COL24A1: variants seen among roughly 807,000 people sequenced by gnomAD.
COL24A1 encodes collagen alpha-1(XXIV) chain.
Under a neutral mutation model 253.9 loss-of-function variants are expected in COL24A1, and 224 were observed. The observed-to-expected ratio is 0.88, with a 90% CI of 0.79 to 0.99. The LOEUF is 0.99. Ranked by LOEUF, COL24A1 falls within the 50% of genes least tolerant of loss-of-function variation. COL24A1 has a pLI of 0.00. For synonymous variants in COL24A1, 685 were observed against 673.7 expected (o/e 1.02, Z -0.26); for missense variants, 2,131 against 2,068.5 (o/e 1.03, Z -0.59).
rs1463665429 is a variant in COL24A1 at position 86,089,218 on chromosome 1, C to T, written c.1663G>A (p.Gly555Ser). 17 of 1,586,684 alleles carry T rather than the reference C, an allele frequency of 1.1e-5. No homozygotes were observed. Among genetic ancestry groups the T allele is most frequent in the Non-Finnish European group, 1.4e-5 (17 of 1,172,758 alleles). Residue 555 changes from glycine (G) to serine (S), a missense_variant, in exon 7 of 60, where the codon GGC becomes AGC. Coordinates refer to ENST00000370571, the MANE Select transcript of COL24A1 (RefSeq NM_152890.7). ...QPVPGEKGDQ[G>S]LSGLMGPPGM... Reference sequence around the variant, plus strand: ...GGGGGGCCCATTAATCCAGAAAGGCCTTGATCACCCTATAAACAAAATACA... The same window carrying T: ...GGGGGGCCCATTAATCCAGAAAGGCTTTGATCACCCTATAAACAAAATACA...
rs1680048332 is a variant in COL24A1, at chr1:85,868,581, C to CT, written c.3237dup (p.Gly1080ArgfsTer14). ...ATAATTCCTGGTAAGCCCATCTCTC[C>CT]TTTTTCTCCATCCTCTCCAGGAAGT... On this transcript the variant is annotated frameshift_variant, in exon 37 of 60. Transcript: ENST00000370571. LOFTEE classifies it high-confidence loss of function. The CT allele has an allele frequency of 6.2e-7, 1 of 1,613,910 alleles. No homozygotes were observed. Among genetic ancestry groups the CT allele is most frequent in the Non-Finnish European group, 8.5e-7 (1 of 1,179,876 alleles).
chr1:85,780,907 T>C (rs1402747533), intron 52 of COL24A1, among the ~76,000 whole-genome samples: 1 of 152,010 alleles, frequency 6.6e-6, no homozygotes, highest in Non-Finnish European at 1.5e-5. Context: ...TTGCTATCTA[T>C]GTTCTTTCCT....
chr1:86,062,864 A>G (rs1701191978), intron 8 of COL24A1, among the ~76,000 whole-genome samples: 1 of 152,080 alleles, frequency 6.6e-6, no homozygotes, highest in African/African-American at 2.4e-5. Flanking sequence ...CTAACTTAAC[A>G]TGAATGAAAG....
intron 22 of COL24A1, 75 bp downstream of exon 22, chr1:85,970,152 A>C: frequency 1.6e-6 from 2 of 1,281,834 alleles, no homozygotes. Flanking sequence ...GTAAAATGTT[A>C]TGATGTTAAA....
intron 24 of COL24A1, among the ~76,000 whole-genome samples, chr1:85,939,617 G>A (rs1440243751): frequency 4.6e-5 from 7 of 152,226 alleles, no homozygotes; most frequent in Non-Finnish European, 8.8e-5. Flanking sequence ...TTGGCTGGAG[G>A]AGAAAACTTA....
chr1:85,979,133 T>C (rs1185526611), intron 20 of COL24A1, among the ~76,000 whole-genome samples: 1 of 152,080 alleles, frequency 6.6e-6, no homozygotes, highest in Non-Finnish European at 1.5e-5. Flanking sequence ...AAAAATTATT[T>C]GAACTGAACG....
At chr1:85,854,885 G>A (rs978765446) in intron 37 of COL24A1, among the ~76,000 whole-genome samples, 2 of 152,116 alleles carry the variant, frequency 1.3e-5, no homozygotes, top group East Asian at 3.9e-4. Flanking sequence ...TGTATTTTTA[G>A]TAGAGAAGGG....
intron 32 of COL24A1, among the ~76,000 whole-genome samples, chr1:85,882,937 G>A (rs1003382002): frequency 3.3e-5 from 5 of 152,016 alleles, no homozygotes; most frequent in East Asian, 1.9e-4. Context: ...TTTGAATAGC[G>A]TTAGCATGGT....
chr1:86,121,825 C>A (rs1647402427), intron 3 of COL24A1, among the ~76,000 whole-genome samples: 1 of 152,032 alleles, frequency 6.6e-6, no homozygotes, highest in African/African-American at 2.4e-5. Context: ...AAGGGGAGGT[C>A]TTTCTATAAT....
At chr1:85,996,280 A>G (rs11161715) in intron 19 of COL24A1, among the ~76,000 whole-genome samples, 60,404 of 151,882 alleles carry the variant, frequency 0.4, 12,422 homozygotes, top group East Asian at 0.58. Context: ...AATTGTTTGA[A>G]GGTAACAGCA....
At chr1:86,143,360 A>T (rs1651422983) in intron 2 of COL24A1, among the ~76,000 whole-genome samples, 1 of 152,190 alleles carries the variant, frequency 6.6e-6, no homozygotes, top group Non-Finnish European at 1.5e-5. Context: ...TTTGGGGGAA[A>T]ATATATTTCA....
chr1:85,824,854 C>CTTT (rs1674054487), intron 43 of COL24A1, among the ~76,000 whole-genome samples: 2 of 151,886 alleles, frequency 1.3e-5, no homozygotes, highest in Non-Finnish European at 2.9e-5. Context: ...AGTCCCATCT[C>CTTT]CTGGGCTAGA....
chr1:85,843,743 G>A (rs1310884139), intron 39 of COL24A1, among the ~76,000 whole-genome samples: 2 of 152,070 alleles, frequency 1.3e-5, no homozygotes, highest in South Asian at 2.1e-4. Context: ...CTTGTGCTGG[G>A]TAACTGATGA....
At chr1:85,927,409 C>T (rs1571257455) in intron 24 of COL24A1, among the ~76,000 whole-genome samples, 1 of 146,624 alleles carries the variant, frequency 6.8e-6, no homozygotes, top group East Asian at 2.1e-4. Flanking sequence ...GACTATATCC[C>T]ACACCTGGCT....
chr1:85,911,217 A>G (rs368220201), intron 25 of COL24A1, among the ~76,000 whole-genome samples, 163 bp downstream of exon 25: 2 of 152,008 alleles, frequency 1.3e-5, no homozygotes, highest in East Asian at 3.9e-4. Flanking sequence ...TTAGAAACCT[A>G]CATGCTGTTA....
At chr1:85,946,761 TCTC>T (rs1689361449) in intron 24 of COL24A1, among the ~76,000 whole-genome samples, 1 of 152,150 alleles carries the variant, frequency 6.6e-6, no homozygotes, top group African/African-American at 2.4e-5. Context: ...ATTCATTCCT[TCTC>T]CTTCTTATGT....
intron 43 of COL24A1, among the ~76,000 whole-genome samples, chr1:85,824,606 ACT>A (rs1221130964): frequency 1.3e-5 from 2 of 152,036 alleles, no homozygotes; most frequent in African/African-American, 2.4e-5. Context: ...ACACCACATG[ACT>A]CTGACATTCG....
intron 7 of COL24A1, among the ~76,000 whole-genome samples, chr1:86,078,257 T>C (rs1372135812): frequency 6.6e-6 from 1 of 152,122 alleles, no homozygotes; most frequent in African/African-American, 2.4e-5. Context: ...ACACCCCTTC[T>C]TGGTAAAAAA....
At chr1:85,956,434 C>T (rs986279111) in intron 24 of COL24A1, among the ~76,000 whole-genome samples, 3 of 152,064 alleles carry the variant, frequency 2.0e-5, no homozygotes, top group Admixed American at 6.6e-5. Context: ...CTCTGCTCAT[C>T]GGTCATTTAT....
Sources: allele counts gnomAD v4.1 joint callset (sites outside exome capture counted in the v4.1 genomes callset), GRCh38; gene constraint gnomAD v4.1.1; transcripts MANE v1.5; gene names NCBI Gene and HGNC (gene_info 2026-07-23, HGNC 2026-07-21).